The following SMO variants were observed in gnomAD, a reference collection of about 807,000 sequenced individuals.
The protein encoded by SMO is smoothened, frizzled class receptor.
SMO carries 40 observed loss-of-function variants against 81.6 expected under a neutral mutation model. The ratio of observed to expected loss-of-function variants is 0.49; its 90% CI spans 0.38 to 0.64. SMO has a LOEUF of 0.64. Among genes scored for constraint, SMO ranks in the 30% least tolerant of loss-of-function variants. The pLI, the probability that SMO is intolerant of heterozygous loss-of-function variation, is 0.00. For synonymous variants in SMO, 434 were observed against 432.1 expected (o/e 1.00, Z -0.05); for missense variants, 916 against 1,061.1 (o/e 0.86, Z 1.90).
rs2150652930 is a variant in SMO, at chr7:129,209,373, A to T, written c.1442A>T (p.Glu481Val). 6.2e-7 allele frequency: 1 copy of T among 1,612,968 alleles called. No individual in the cohort carries two copies. The highest frequency in any genetic ancestry group is 8.5e-7 in the Non-Finnish European group (1 of 1,178,978). The change falls in exon 8 of 12, where the codon GAG becomes GTG. Residue 481 changes from glutamate to valine, a missense_variant. This residue lies in a region of SMO where 436 missense variants were observed against 570.9 expected (regional missense o/e 0.76). Transcript: ENST00000249373. ...FYDFFNQAEWERSFRDYVLCQ... is the reference protein window; with the variant it reads ...FYDFFNQAEWVRSFRDYVLCQ... ...GACTTCTTCAACCAGGCTGAGTGGG[A>T]GCGCAGCTTCCGGGACTATGTGCTG... is the stretch of plus-strand genomic sequence containing the variant.
chr7:129,190,781 T>G (rs1793471338), intron 1 of SMO, among the ~76,000 whole-genome samples: 1 of 152,226 alleles, frequency 6.6e-6, no homozygotes, highest in Non-Finnish European at 1.5e-5. Flanking sequence ...ACAGAAATCA[T>G]GTGTAAACAA....
In SMO at chr7:129,212,008, T is replaced by C. The variant is rs2150656215; in HGVS notation, c.1937-16T>C. ...GAGCCAGGGCCCCAGGCTCGTGTTG[T>C]CTCTCCTCCTGTCAGTGCCCCCAGA... On this transcript the variant is annotated splice_polypyrimidine_tract_variant and intron_variant, in intron 11 of 11. Coordinates refer to ENST00000249373, the MANE Select transcript of SMO (RefSeq NM_005631.5). This position sits in a 1 kb window ranked among gnomAD's most constrained non-coding sequence, Gnocchi z 5.0. 1 of 1,568,444 alleles carries C rather than the reference T, an allele frequency of 6.4e-7. No homozygotes were observed. The highest frequency in any genetic ancestry group is 8.6e-7 in the Non-Finnish European group (1 of 1,164,210).
rs752289293 is a variant in SMO, at chr7:129,203,465, G to A, written c.413G>A (p.Arg138Gln). The change falls in exon 2 of 12, where the codon CGG (arginine) becomes CAG (glutamine). Residue 138 changes from arginine (R) to glutamine (Q), a missense_variant. Arg to Gln is a conservative substitution (Grantham distance 43). Coordinates refer to ENST00000249373, the MANE Select transcript of SMO (RefSeq NM_005631.5). ...TACATGCCCAAGTGTGAGAATGACC[G>A]GGTGGAGCTGCCCAGCCGTACCCTC... Reference protein sequence around the residue: ...AVYMPKCENDRVELPSRTLCQ... With the variant: ...AVYMPKCENDQVELPSRTLCQ... 1.6e-5 allele frequency: 26 copies of A among 1,586,744 alleles called. No homozygotes were observed. Among genetic ancestry groups the A allele is most frequent in the Middle Eastern group, 1.7e-4 (1 of 6,054 alleles).
Position 129,189,148 on chromosome 7 carries a change from G to A in SMO, c.-4G>A, listed in dbSNP as rs1323960555. On this transcript the variant is annotated 5_prime_UTR_variant, in exon 1 of 12. Transcript: ENST00000249373. This position sits in a 1 kb window ranked among gnomAD's most constrained non-coding sequence, Gnocchi z 4.7. ...GGGCTTTTGCTGAGTTGGCGGGGTT[G>A]GCCATGGCCGCTGCCCGCCCAGCGC... 8.4e-7 allele frequency: 1 copy of A among 1,192,762 alleles called. No homozygotes were observed. Among genetic ancestry groups the A allele is most frequent in the Non-Finnish European group, 1.0e-6 (1 of 957,538 alleles). The allele number at this position is 1,192,762 out of a possible 1,614,324, so 73.9% of individuals were successfully genotyped here.
chr7:129,212,291 A>T lies in SMO; in HGVS notation c.2204A>T (p.Asn735Ile). The change falls in exon 12 of 12, where the codon AAC becomes ATC. Residue 735 changes from asparagine to isoleucine, a missense_variant. By Grantham distance (149) the Asn-to-Ile change is moderately radical. Coordinates refer to ENST00000249373, the MANE Select transcript of SMO (RefSeq NM_005631.5). This position sits in a 1 kb window ranked among gnomAD's most constrained non-coding sequence, Gnocchi z 5.0. ...CAGGGAGCGTGGACCCTGGTCTCCA[A>T]CCCATTCTGCCCAGAGCCCAGTCCC... ...CRQGAWTLVS[N>I]PFCPEPSPPQ... 1 of 1,613,806 alleles carries T rather than the reference A, an allele frequency of 6.2e-7. No homozygotes were observed. Among genetic ancestry groups the T allele is most frequent in the South Asian group, 1.1e-5 (1 of 91,056 alleles).
intron 1 of SMO, among the ~76,000 whole-genome samples, chr7:129,195,581 T>G (rs1793559303): frequency 1.3e-5 from 2 of 152,194 alleles, no homozygotes; most frequent in South Asian, 2.1e-4. Context: ...ATATGCTAGA[T>G]ATGAGTTTAT....
At chr7:129,207,163 G>T (rs1391616585) in intron 6 of SMO, among the ~76,000 whole-genome samples, 2 of 152,166 alleles carry the variant, frequency 1.3e-5, no homozygotes, top group African/African-American at 4.8e-5. Flanking sequence ...GTTAGGTGGA[G>T]TTGGGTCAGG....
intron 1 of SMO, among the ~76,000 whole-genome samples, chr7:129,196,327 T>TTGTGTGTGTGTGTGTGTGTG (rs57674265): frequency 1.4e-5 from 2 of 145,030 alleles, no homozygotes; most frequent in African/African-American, 5.1e-5. Context: ...CTATTCTTGA[T>TTGTGTGTGTGTGTGTGTGTG]TGTGTGTGTG....
intron 1 of SMO, among the ~76,000 whole-genome samples, chr7:129,193,786 ATATATATATATATAT>A (rs1413655883): frequency 9.3e-5 from 2 of 21,394 alleles, no homozygotes; most frequent in South Asian, 3.9e-3. Flanking sequence ...AAAAAAAAAA[ATATATATATATATAT>A]ATATATATAT....
intron 6 of SMO, among the ~76,000 whole-genome samples, chr7:129,207,261 G>A (rs997629134): frequency 2.6e-5 from 4 of 152,168 alleles, no homozygotes; most frequent in African/African-American, 7.2e-5. Context: ...AACCTAGGTC[G>A]TTTGGTTATC....
intron 1 of SMO, among the ~76,000 whole-genome samples, chr7:129,200,148 G>A (rs981418786): frequency 3.3e-5 from 5 of 152,184 alleles, no homozygotes; most frequent in African/African-American, 9.7e-5. Context: ...CTGGCCAGGC[G>A]TGGTGGCTCA....
At position 129,205,343 on chromosome 7, in the gene SMO, G is replaced by T. The variant is rs2150648396; in HGVS notation, c.678G>T (p.Glu226Asp). Reference protein sequence around the residue: ...QCQNPLFTEAEHQDMHSYIAA... With the variant: ...QCQNPLFTEADHQDMHSYIAA... ...AGAACCCGCTCTTCACAGAGGCTGAGCACCAGGACATGCACAGCTACATCG... is the reference window on the plus strand; with the variant it reads ...AGAACCCGCTCTTCACAGAGGCTGATCACCAGGACATGCACAGCTACATCG... The change falls in exon 3 of 12, where the codon GAG becomes GAT. Residue 226 changes from glutamate (E) to aspartate (D), a missense_variant. Glu to Asp is a conservative substitution (Grantham distance 45). Coordinates refer to ENST00000249373, the MANE Select transcript of SMO (RefSeq NM_005631.5). 1.9e-6 allele frequency: 3 copies of T among 1,614,038 alleles called. No individual in the cohort carries two copies. Among genetic ancestry groups the T allele is most frequent in the Non-Finnish European group, 2.5e-6 (3 of 1,179,954 alleles).
chr7:129,202,336 A>G (rs189098951), intron 1 of SMO, among the ~76,000 whole-genome samples: 30 of 152,254 alleles, frequency 2.0e-4, no homozygotes, highest in African/African-American at 7.0e-4. Context: ...TGCCATGCAC[A>G]TGCCCCTTAC....
intron 1 of SMO, 25 bp from the exon 2 acceptor site, chr7:129,203,359 A>G (rs1446051812): frequency 6.5e-7 from 1 of 1,529,498 alleles, no homozygotes; most frequent in Admixed American, 2.0e-5. Flanking sequence ...AGGGGCCTTC[A>G]CTGCAATGCT....
intron 1 of SMO, among the ~76,000 whole-genome samples, chr7:129,199,977 G>C (rs1476664192): frequency 6.6e-6 from 1 of 152,106 alleles, no homozygotes; most frequent in African/African-American, 2.4e-5. Flanking sequence ...ATTAGCTCTT[G>C]TGATAAGTAT....
chr7:129,211,602 A>G lies in SMO; in HGVS notation c.1802-34A>G, dbSNP rs948403581. The G allele has an allele frequency of 1.7e-5, 27 of 1,607,374 alleles. No homozygotes were observed. Among genetic ancestry groups the G allele is most frequent in the Non-Finnish European group, 2.2e-5 (26 of 1,177,370 alleles). On this transcript the variant is annotated intron_variant, in intron 10 of 11. Coordinates refer to ENST00000249373, the MANE Select transcript of SMO (RefSeq NM_005631.5). The surrounding 1 kb of genome is among the most constrained non-coding windows in gnomAD (Gnocchi z 4.6). ...CACTGCCAGGGACCGGGAAGTCACT[A>G]TTCCTTCTCCTTTCCTTCCTTCCAT...
rs183799221 is a variant in SMO at position 129,196,885 on chromosome 7, C to T, written c.332-6499C>T. Among the ~76,000 whole-genome samples, 539 of 151,814 alleles carry T rather than the reference C, an allele frequency of 3.6e-3. 4 individuals carry two copies. Among genetic ancestry groups the T allele is most frequent in the African/African-American group, 0.012 (489 of 41,398 alleles). On this transcript the variant is annotated intron_variant, in intron 1 of 11. Coordinates refer to ENST00000249373, the MANE Select transcript of SMO (RefSeq NM_005631.5). The stretch of plus-strand genomic sequence containing the variant: ...ACAAAAAGTTAGTCGGGCATGGTGG[C>T]GGGCGCCTGTAGTCCCAGCTACTCA...
At chr7:129,193,785 A>AATATATAT (rs71526088) in intron 1 of SMO, among the ~76,000 whole-genome samples, 431 of 26,324 alleles carry the variant, frequency 0.016, 20 homozygotes, top group Non-Finnish European at 0.021. Context: ...AAAAAAAAAA[A>AATATATAT]ATATATATAT....
Position 129,189,214 on chromosome 7 carries a change from GCTGCT to G in SMO, c.64_68del (p.Leu22GlyfsTer112). 2.6e-6 allele frequency: 3 copies of G among 1,166,482 alleles called. No homozygotes were observed. Among genetic ancestry groups the G allele is most frequent in the Non-Finnish European group, 3.2e-6 (3 of 930,926 alleles). The allele number at this position is 1,166,482 out of a possible 1,614,324, so 72.3% of individuals were successfully genotyped here. A position where few individuals can be genotyped will look rare whatever the true frequency, so the allele number is the denominator to read the frequency against. On this transcript the variant is annotated frameshift_variant, in exon 1 of 12. Transcript: ENST00000249373. LOFTEE classifies it high-confidence loss of function. The surrounding 1 kb of genome is among the most constrained non-coding windows in gnomAD (Gnocchi z 4.7). ...CGCTCCTGGGGCTGCTGCTGCTGCT[GCTGCT>G]GGGGGACCCGGGCCGGGGGGCGGCC...
Sources: allele counts gnomAD v4.1 joint callset (sites outside exome capture counted in the v4.1 genomes callset), GRCh38; gene constraint gnomAD v4.1.1; regional missense constraint gnomAD v4.1.1; non-coding constraint Gnocchi (gnomAD v3.1); transcripts MANE v1.5; gene names NCBI Gene and HGNC (gene_info 2026-07-23, HGNC 2026-07-21).